ZMYM2: variants seen among roughly 807,000 people sequenced by gnomAD.
ZMYM2 encodes zinc finger MYM-type containing 2, also known as zinc finger MYM-type protein 2.
A neutral mutation model predicts 162.8 loss-of-function variants in ZMYM2; 56 were observed. The ratio of observed to expected loss-of-function variants is 0.34; its 90% CI spans 0.28 to 0.43. The LOEUF is 0.43. Ranked by LOEUF, ZMYM2 falls within the 20% of genes least tolerant of loss-of-function variation. The pLI, the probability that ZMYM2 is intolerant of heterozygous loss-of-function variation, is 1.00. For missense variants in ZMYM2, 1,275 were observed against 1,621.8 expected, an observed-to-expected ratio of 0.79 and a Z score of 3.67; for synonymous variants, 510 against 541.6, an observed-to-expected ratio of 0.94 and a Z score of 0.81.
chr13:20,032,595 CTGTCTTTTTTTTTTTTTTTT>C (rs1953276795), intron 10 of ZMYM2, among the ~76,000 whole-genome samples: 1 of 96,380 alleles, frequency 1.0e-5, no homozygotes, highest in Non-Finnish European at 2.2e-5. Flanking sequence ...GATTTTTTTT[CTGTCTTTTTTTTTTTTTTTT>C]TTTTTTTTTT....
the ZMYM2 span, among the ~76,000 whole-genome samples, chr13:19,906,787 G>T: frequency 1.3e-5 from 2 of 151,972 alleles, no homozygotes; most frequent in Admixed American, 1.3e-4. Flanking sequence ...TCTTGAACTT[G>T]CAGGCTCAAG....
chr13:20,015,412 A>G (rs572770780), intron 6 of ZMYM2, among the ~76,000 whole-genome samples: 98 of 152,348 alleles, frequency 6.4e-4, no homozygotes, highest in Non-Finnish European at 1.3e-3. Flanking sequence ...GCATTTGAGA[A>G]GAATGTTTAT....
At chr13:20,055,177 G>C (rs1468317913) in intron 14 of ZMYM2, among the ~76,000 whole-genome samples, 1 of 152,090 alleles carries the variant, frequency 6.6e-6, no homozygotes, top group Non-Finnish European at 1.5e-5. Flanking sequence ...GGTGGTCCTA[G>C]AACCAGTCCT....
At chr13:19,874,370 C>T in the ZMYM2 span, among the ~76,000 whole-genome samples, 2 of 152,046 alleles carry the variant, frequency 1.3e-5, no homozygotes, top group East Asian at 1.9e-4. Context: ...CAGGTGTGCA[C>T]CACCACACCC....
rs1338336334 is a variant in ZMYM2 at position 20,014,819 on chromosome 13, G to A, written c.1513-4728G>A. Among the ~76,000 whole-genome samples the A allele has an allele frequency of 7.4e-5, 10 of 134,544 alleles. No homozygotes were observed. In the South Asian group the frequency reaches 1.0e-3, roughly 14 times the overall value. The allele number at this position is 134,544 out of a possible 152,430, so 88.3% of individuals were successfully genotyped here. A position where few individuals can be genotyped will look rare whatever the true frequency, so the allele number is the denominator to read the frequency against. On this transcript the variant is annotated intron_variant, in intron 6 of 24. Coordinates refer to ENST00000610343, the MANE Select transcript of ZMYM2 (RefSeq NM_197968.4). The stretch of plus-strand genomic sequence containing the variant: ...CTCACTCTATTGCCCAGGCTGGAAC[G>A]CAGTGGCATGATCTTAGCTCACTGC...
chr13:20,040,488 A>G (rs762232236), intron 12 of ZMYM2, among the ~76,000 whole-genome samples: 2 of 150,970 alleles, frequency 1.3e-5, no homozygotes, highest in Non-Finnish European at 3.0e-5. Flanking sequence ...TCTTTTCTTT[A>G]TTAGTCTAGC....
At chr13:19,996,837 T>C (rs1950052469) in intron 3 of ZMYM2, among the ~76,000 whole-genome samples, 1 of 152,156 alleles carries the variant, frequency 6.6e-6, no homozygotes, top group Non-Finnish European at 1.5e-5. Context: ...CAGTGAGCTA[T>C]GATTGTGCCA....
At chr13:19,908,332 G>A in the ZMYM2 span, among the ~76,000 whole-genome samples, 1 of 151,696 alleles carries the variant, frequency 6.6e-6, no homozygotes, top group African/African-American at 2.4e-5. Flanking sequence ...GTTTCACGGT[G>A]AGCCAGGTGC....
chr13:20,081,341 C>T (rs1034710444), intron 21 of ZMYM2, among the ~76,000 whole-genome samples: 1 of 152,152 alleles, frequency 6.6e-6, no homozygotes, highest in African/African-American at 2.4e-5. Context: ...GTGCTGTTAT[C>T]ATATAATTTT....
intron 21 of ZMYM2, among the ~76,000 whole-genome samples, chr13:20,072,643 T>C (rs886499737): frequency 6.6e-6 from 1 of 152,236 alleles, no homozygotes; most frequent in Non-Finnish European, 1.5e-5. Flanking sequence ...AATTCACCAG[T>C]GAAGCCATAT....
At chr13:20,021,076 C>A (rs903360430) in intron 7 of ZMYM2, among the ~76,000 whole-genome samples, 1 of 151,182 alleles carries the variant, frequency 6.6e-6, no homozygotes, top group African/African-American at 2.4e-5. Flanking sequence ...TCCAGGTTAA[C>A]GCCATTCTCC....
At chr13:20,025,550 T>A (rs1952503148) in intron 7 of ZMYM2, 1 of 159,910 alleles carries the variant, frequency 6.3e-6, no homozygotes. Flanking sequence ...GGTCTCAAAC[T>A]CCTGGGCTCA....
At chr13:19,879,620 A>G in the ZMYM2 span, among the ~76,000 whole-genome samples, 1 of 152,186 alleles carries the variant, frequency 6.6e-6, no homozygotes, top group African/African-American at 2.4e-5. Flanking sequence ...TGTTTTGGCT[A>G]TTCAGCATCC....
intron 13 of ZMYM2, 94 bp from the exon 14 acceptor site, chr13:20,052,183 A>G (rs759772889): frequency 9.3e-7 from 1 of 1,079,288 alleles, no homozygotes; most frequent in Middle Eastern, 2.4e-4. Flanking sequence ...CTTTAGTCAC[A>G]TTTTAAATTG....
chr13:20,079,085 C>T (rs1314159169), intron 21 of ZMYM2, among the ~76,000 whole-genome samples: 1 of 151,288 alleles, frequency 6.6e-6, no homozygotes, highest in African/African-American at 2.4e-5. Flanking sequence ...CTTTGGGAGG[C>T]TGAGGCAGGC....
rs143730179 is a variant in ZMYM2, at chr13:20,014,950, A to T, written c.1513-4597A>T. ...TGGCTAATTTTTGTATTTTTAGTAGAGATGGGGTTTCACCGTGTTAGACTG... is the reference window on the plus strand; with the variant it reads ...TGGCTAATTTTTGTATTTTTAGTAGTGATGGGGTTTCACCGTGTTAGACTG... On this transcript the variant is annotated intron_variant, in intron 6 of 24. Coordinates refer to ENST00000610343, the MANE Select transcript of ZMYM2 (RefSeq NM_197968.4). 4.4e-3 allele frequency among the ~76,000 whole-genome samples: 667 copies of T among 151,842 alleles called. 4 individuals carry two copies. The highest frequency in any genetic ancestry group is 0.016 in the African/African-American group (644 of 41,400).
chr13:20,038,555 A>G (rs990553768), intron 12 of ZMYM2, among the ~76,000 whole-genome samples: 1 of 151,982 alleles, frequency 6.6e-6, no homozygotes, highest in Non-Finnish European at 1.5e-5. Flanking sequence ...TGTTTTTGTC[A>G]GGTTTGTTGA....
the ZMYM2 span, among the ~76,000 whole-genome samples, chr13:19,949,647 G>A: frequency 1.3e-5 from 2 of 152,104 alleles, no homozygotes; most frequent in East Asian, 3.9e-4. Flanking sequence ...CCAGCACTTT[G>A]GGAGGCCAAG....
At chr13:20,053,352 A>C (rs956015305) in intron 14 of ZMYM2, among the ~76,000 whole-genome samples, 2 of 152,236 alleles carry the variant, frequency 1.3e-5, no homozygotes, top group African/African-American at 2.4e-5. Context: ...GTTTCAACCC[A>C]AAAATTCTGT....
Sources: allele counts gnomAD v4.1 joint callset (sites outside exome capture counted in the v4.1 genomes callset), GRCh38; gene constraint gnomAD v4.1.1; transcripts MANE v1.5; gene names NCBI Gene and HGNC (gene_info 2026-07-23, HGNC 2026-07-21).